DCC: variants seen among roughly 807,000 people sequenced by gnomAD.
DCC encodes the protein DCC netrin 1 receptor, also known as netrin receptor DCC.
A neutral mutation model predicts 172.5 loss-of-function variants in DCC; 58 were observed. The ratio of observed to expected loss-of-function variants is 0.34; its 90% confidence interval spans 0.27 to 0.42. The LOEUF is 0.42. DCC is among the 10% of genes least tolerant of loss of function. The probability of loss-of-function intolerance (pLI) is 1.00; values close to 1 mark genes in which losing one functional copy is unlikely to be tolerated. For missense variants in DCC, 1,740 were observed against 1,791.0 expected, an observed-to-expected ratio of 0.97 and a Z score of 0.51; for synonymous variants, 709 against 644.5, an observed-to-expected ratio of 1.10 and a Z score of -1.52.
intron 15 of DCC, among the ~76,000 whole-genome samples, chr18:53,363,943 A>G (rs1161098419): frequency 6.6e-6 from 1 of 152,204 alleles, no homozygotes; most frequent in African/African-American, 2.4e-5. Flanking sequence ...ATCATAATAA[A>G]TGTTCAAGAT....
At chr18:52,960,856 T>C (rs948097078) in intron 5 of DCC, among the ~76,000 whole-genome samples, 1 of 152,176 alleles carries the variant, frequency 6.6e-6, no homozygotes, top group Non-Finnish European at 1.5e-5. Flanking sequence ...AATAACAGGA[T>C]TAAAAATATT....
chr18:52,991,281 A>G (rs1432801394), intron 5 of DCC, among the ~76,000 whole-genome samples: 4 of 152,138 alleles, frequency 2.6e-5, no homozygotes, highest in African/African-American at 9.7e-5. Context: ...TGTTTTAAGT[A>G]AGTGTCATCT....
intron 2 of DCC, among the ~76,000 whole-genome samples, chr18:52,848,180 G>C (rs1385419963): frequency 6.7e-6 from 1 of 149,650 alleles, no homozygotes; most frequent in Non-Finnish European, 1.5e-5. Context: ...CCGCCTCCCA[G>C]GTTCGATAGA....
At chr18:52,695,287 A>G (rs924149743) in intron 1 of DCC, among the ~76,000 whole-genome samples, 6 of 152,210 alleles carry the variant, frequency 3.9e-5, no homozygotes, top group Non-Finnish European at 7.3e-5. Flanking sequence ...GAATAATTGA[A>G]CACATACAAT....
intron 1 of DCC, among the ~76,000 whole-genome samples, chr18:52,726,201 G>A (rs1296333417): frequency 1.3e-5 from 2 of 152,142 alleles, no homozygotes; most frequent in Non-Finnish European, 2.9e-5. Flanking sequence ...AGAAGTATAC[G>A]TGGCTTGCTA....
chr18:52,469,063 A>G (rs1988871889), intron 1 of DCC, among the ~76,000 whole-genome samples: 1 of 151,378 alleles, frequency 6.6e-6, no homozygotes, highest in African/African-American at 2.4e-5. Flanking sequence ...TTATTTATTT[A>G]TTTATTTATT....
At chr18:52,861,385 TCAAAGC>T in intron 2 of DCC, among the ~76,000 whole-genome samples, 1 of 152,280 alleles carries the variant, frequency 6.6e-6, no homozygotes, top group South Asian at 2.1e-4. Context: ...CCATTACCAG[TCAAAGC>T]CTTGGTAAAA....
At chr18:52,546,373 A>G (rs1020121289) in intron 1 of DCC, among the ~76,000 whole-genome samples, 3 of 152,126 alleles carry the variant, frequency 2.0e-5, no homozygotes, top group Non-Finnish European at 4.4e-5. Context: ...GACAGTATAC[A>G]GCAAAGAAGT....
At chr18:53,044,516 C>T (rs981694317) in intron 5 of DCC, among the ~76,000 whole-genome samples, 2 of 151,752 alleles carry the variant, frequency 1.3e-5, no homozygotes, top group African/African-American at 2.4e-5. Context: ...AAGGCATGGA[C>T]TAGATATCTA....
chr18:53,278,125 CAAT>C (rs1463728928), intron 12 of DCC, among the ~76,000 whole-genome samples: 2 of 151,984 alleles, frequency 1.3e-5, no homozygotes, highest in Non-Finnish European at 2.9e-5. Flanking sequence ...ATATATGACA[CAAT>C]AACTAAACTA....
intron 12 of DCC, among the ~76,000 whole-genome samples, chr18:53,275,145 G>C (rs2056790916): frequency 6.6e-6 from 1 of 152,112 alleles, no homozygotes; most frequent in Non-Finnish European, 1.5e-5. Context: ...ATGCAGAAGA[G>C]TGGAATTCGT....
At chr18:52,357,173 C>A (rs950639347) in intron 1 of DCC, among the ~76,000 whole-genome samples, 4 of 152,132 alleles carry the variant, frequency 2.6e-5, no homozygotes, top group Admixed American at 2.6e-4. Flanking sequence ...AATTCATGTA[C>A]TAAAAAAATG....
chr18:53,304,816 A>G (rs2057180381), intron 12 of DCC, among the ~76,000 whole-genome samples: 1 of 152,126 alleles, frequency 6.6e-6, no homozygotes, highest in Admixed American at 6.6e-5. Flanking sequence ...AAACGTATTT[A>G]GTTTTCCGGC....
intron 1 of DCC, among the ~76,000 whole-genome samples, chr18:52,385,352 C>A (rs866619307): frequency 1.3e-5 from 2 of 151,462 alleles, no homozygotes; most frequent in Non-Finnish European, 2.9e-5. Context: ...CTCAGCTCAC[C>A]GCAACCTCTG....
chr18:53,291,450 T>A (rs2057003993), intron 12 of DCC, among the ~76,000 whole-genome samples: 1 of 152,152 alleles, frequency 6.6e-6, no homozygotes, highest in African/African-American at 2.4e-5. Context: ...AAATATCTGG[T>A]GAAATAAACT....
At chr18:53,325,748 A>G (rs1293983259) in intron 14 of DCC, among the ~76,000 whole-genome samples, 1 of 152,150 alleles carries the variant, frequency 6.6e-6, no homozygotes, top group Admixed American at 6.5e-5. Flanking sequence ...TTCTTTGGGT[A>G]TGGTTGTAAT....
chr18:52,506,008 G>A lies in DCC; in HGVS notation c.91+165130G>A, dbSNP rs138468461. Among the ~76,000 whole-genome samples the A allele has an allele frequency of 1.2e-4, 19 of 152,250 alleles. No individual in the cohort carries two copies. In the East Asian group the frequency reaches 3.7e-3, roughly 29 times the overall value. ...TTCCACATGTCACCATGTTCACAGA[G>A]CTGGCTGACAGGGTTAAGAAAAGTG... On this transcript the variant is annotated intron_variant, in intron 1 of 28. Transcript: ENST00000442544.
At position 52,906,045 on chromosome 18, in the gene DCC, A is replaced by T. The variant is rs199743141; in HGVS notation, c.414A>T (p.Gly138=). 151 of 1,598,898 alleles carry T rather than the reference A, an allele frequency of 9.4e-5. No homozygotes were observed. In the Middle Eastern group the frequency reaches 9.9e-4, roughly 11 times the overall value. The change falls in exon 3 of 29, where the codon GGA becomes GGT. Residue 138 remains glycine (G), a splice_region_variant and synonymous_variant. Transcript: ENST00000442544. ...ISRTAKVAVA[G]PLRFLSQTES... is the part of the protein sequence containing the mutation. ...CTTCCTTCTTTGTTTTTCTCCTAGGACCACTGAGGTTCCTTTCACAGACAG... is the reference window on the plus strand; with the variant it reads ...CTTCCTTCTTTGTTTTTCTCCTAGGTCCACTGAGGTTCCTTTCACAGACAG...
intron 4 of DCC, among the ~76,000 whole-genome samples, chr18:52,924,575 T>C (rs893753167): frequency 1.3e-5 from 2 of 152,112 alleles, no homozygotes; most frequent in East Asian, 3.8e-4. Context: ...GTCTTTCTGA[T>C]GAAATGGATC....
Sources: gnomAD v4.1 joint callset for allele counts (sites outside exome capture counted in the v4.1 genomes callset) on GRCh38, gnomAD v4.1.1 for gene constraint, MANE v1.5 for transcripts, NCBI Gene and HGNC (gene_info 2026-07-23, HGNC 2026-07-21) for gene names.